RRAGC: variants seen among roughly 807,000 people sequenced by gnomAD.
RRAGC encodes the protein ras-related GTP-binding protein C.
Under a neutral mutation model 37.1 loss-of-function variants are expected in RRAGC, and 8 were observed. The observed-to-expected ratio is 0.22, with a 90% CI of 0.13 to 0.39. RRAGC has a LOEUF of 0.39. RRAGC is among the 10% of genes least tolerant of loss of function. RRAGC has a pLI of 1.00. For synonymous variants in RRAGC, 190 were observed against 181.1 expected, an observed-to-expected ratio of 1.05 and a Z score of -0.39; for missense variants, 342 against 497.6, an observed-to-expected ratio of 0.69 and a Z score of 2.98.
At chr1:38,849,930 G>A (rs1557586133) in intron 5 of RRAGC, among the ~76,000 whole-genome samples, 1 of 152,138 alleles carries the variant, frequency 6.6e-6, no homozygotes, top group Non-Finnish European at 1.5e-5. Context: ...AAACAAGCCA[G>A]GCATGGTGGC....
At chr1:38,857,939 G>A (rs908787957) in intron 1 of RRAGC, among the ~76,000 whole-genome samples, 19 of 151,980 alleles carry the variant, frequency 1.3e-4, no homozygotes, top group African/African-American at 2.9e-4. Context: ...CAGCCTGGGC[G>A]ATGAGCAAGA....
chr1:38,841,808 AT>A (rs1242655667), intron 6 of RRAGC, among the ~76,000 whole-genome samples: 3 of 152,070 alleles, frequency 2.0e-5, no homozygotes, highest in African/African-American at 7.2e-5. Flanking sequence ...ACACAGCAAG[AT>A]TCCCATCTCA....
intron 3 of RRAGC, among the ~76,000 whole-genome samples, chr1:38,853,699 A>G (rs1642130092): frequency 6.6e-6 from 1 of 151,572 alleles, no homozygotes; most frequent in African/African-American, 2.4e-5. Context: ...GTGAGCCGAG[A>G]TGGCATCATT....
intron 6 of RRAGC, 86 bp downstream of exon 6, chr1:38,845,853 C>T (rs76735297): frequency 0.057 from 65,310 of 1,150,784 alleles, 2,099 homozygotes; most frequent in Non-Finnish European, 0.06. Flanking sequence ...TCTAACACTG[C>T]AATTATTATT....
At chr1:38,855,682 T>G (rs1356691292) in intron 3 of RRAGC, 26 bp downstream of exon 3, 10 of 1,584,724 alleles carry the variant, frequency 6.3e-6, no homozygotes, top group Non-Finnish European at 8.7e-6. Context: ...GTTCAGGGCT[T>G]TCATATCAAA....
Position 38,845,966 on chromosome 1 carries a change from G to C in RRAGC, c.1021C>G (p.Leu341Val). Residue 341 changes from leucine to valine, a missense_variant, in exon 6 of 7, where the codon CTA (leucine) becomes GTA (valine). By Grantham distance (32) the Leu-to-Val change is conservative (BLOSUM62 1). Coordinates refer to ENST00000373001, the MANE Select transcript of RRAGC (RefSeq NM_022157.4). ...VTKFLALVCI[L>V]REESFERKGL... The stretch of plus-strand genomic sequence containing the variant: ...TTTCTTTCAAAGCTTTCTTCCCTTA[G>C]AATGCAGACCAGTGCCAAAAATTTA... 6.2e-7 allele frequency: 1 copy of C among 1,610,860 alleles called. No homozygotes were observed. The highest frequency in any genetic ancestry group is 8.5e-7 in the Non-Finnish European group (1 of 1,178,986).
intron 4 of RRAGC, 28 bp downstream of exon 4, chr1:38,852,346 G>A: frequency 1.7e-6 from 2 of 1,144,226 alleles, no homozygotes; most frequent in Non-Finnish European, 2.6e-6. Context: ...AGAAGCTGCA[G>A]TGAATTAAAT....
chr1:38,855,566 G>A, intron 3 of RRAGC, 142 bp downstream of exon 3: 3 of 720,094 alleles, frequency 4.2e-6, no homozygotes, highest in Non-Finnish European at 6.9e-6. Flanking sequence ...AGACAGCCTG[G>A]AATTCAACAA....
At chr1:38,842,981 AAAAAT>A (rs1641982348) in intron 6 of RRAGC, among the ~76,000 whole-genome samples, 1 of 152,210 alleles carries the variant, frequency 6.6e-6, no homozygotes, top group South Asian at 2.1e-4. Flanking sequence ...AAAAAATAAG[AAAAAT>A]AAAATACACA....
chr1:38,850,026 G>A (rs930065210), intron 5 of RRAGC, among the ~76,000 whole-genome samples: 8 of 150,520 alleles, frequency 5.3e-5, no homozygotes, highest in African/African-American at 2.0e-4. Flanking sequence ...CCAACATGGT[G>A]AAACCCAATC....
chr1:38,859,700 G>A lies in RRAGC; in HGVS notation c.-54C>T. ...TGACAGGCCAGGCCAGGCCGAGCCA[G>A]GCCGCCGCCTCCCCAGTCCGCCTCC... is the stretch of plus-strand genomic sequence containing the variant. On this transcript the variant is annotated 5_prime_UTR_variant, in exon 1 of 7. Transcript: ENST00000373001. 2 of 1,352,406 alleles carry A rather than the reference G, an allele frequency of 1.5e-6. No individual in the cohort carries two copies. The highest frequency in any genetic ancestry group is 3.1e-5 in the East Asian group (1 of 32,430). The allele number at this position is 1,352,406 out of a possible 1,614,324, so 83.8% of individuals were successfully genotyped here.
intron 6 of RRAGC, among the ~76,000 whole-genome samples, chr1:38,845,591 T>C (rs1264505184): frequency 1.3e-5 from 2 of 152,144 alleles, no homozygotes; most frequent in Non-Finnish European, 2.9e-5. Flanking sequence ...AACCCGTGCG[T>C]TGTGCACATG....
At position 38,859,729 on chromosome 1, in the gene RRAGC, G is replaced by C; in HGVS notation, c.-83C>G. 1 of 1,175,152 alleles carries C rather than the reference G, an allele frequency of 8.5e-7. No homozygotes were observed. Among genetic ancestry groups the C allele is most frequent in the Non-Finnish European group, 1.1e-6 (1 of 935,486 alleles). 72.8% of individuals were successfully genotyped at this position (1,175,152 alleles called of 1,614,324 possible). ...GCCGCCTCCCCAGTCCGCCTCCGCCGCCGCCGCCACCACCGCCACCGCCCC... is the reference window on the plus strand; with the variant it reads ...GCCGCCTCCCCAGTCCGCCTCCGCCCCCGCCGCCACCACCGCCACCGCCCC... On this transcript the variant is annotated 5_prime_UTR_variant, in exon 1 of 7. Transcript: ENST00000373001.
At chr1:38,856,710 C>A (rs961227650) in intron 2 of RRAGC, 169 bp downstream of exon 2, 5 of 610,290 alleles carry the variant, frequency 8.2e-6, no homozygotes, top group Admixed American at 3.0e-5. Flanking sequence ...TGTACCTGCA[C>A]AATGCATGTC....
At chr1:38,855,666 C>T (rs1347324874) in intron 3 of RRAGC, 42 bp downstream of exon 3, 3 of 1,479,970 alleles carry the variant, frequency 2.0e-6, no homozygotes, top group Non-Finnish European at 2.8e-6. Context: ...AATACATTTA[C>T]ACCTTGTTCA....
rs1170361889 is a variant in RRAGC at position 38,856,864 on chromosome 1, C to T, written c.441+15G>A. 6.2e-7 allele frequency: 1 copy of T among 1,611,294 alleles called. No homozygotes were observed. The highest frequency in any genetic ancestry group is 1.1e-5 in the South Asian group (1 of 91,004). ...TTTCCCACCAGGAAAGAGGAGTAAA[C>T]ACATTACTGACTACCTGTGCGTCAA... On this transcript the variant is annotated intron_variant, in intron 2 of 6. Coordinates refer to ENST00000373001, the MANE Select transcript of RRAGC (RefSeq NM_022157.4).
At chr1:38,843,895 T>A (rs181219384) in intron 6 of RRAGC, among the ~76,000 whole-genome samples, 1 of 152,256 alleles carries the variant, frequency 6.6e-6, no homozygotes, top group Non-Finnish European at 1.5e-5. Flanking sequence ...TACATGAATA[T>A]TATCAAGTAA....
Position 38,845,944 on chromosome 1 carries a change from C to T in RRAGC, c.1043G>A (p.Arg348Lys). The change falls in exon 6 of 7, where the codon AGA becomes AAA. Residue 348 changes from arginine (R) to lysine (K), a missense_variant. Coordinates refer to ENST00000373001, the MANE Select transcript of RRAGC (RefSeq NM_022157.4). ...GCTTTTTAAAATGCTATTACCTTTT[C>T]TTTCAAAGCTTTCTTCCCTTAGAAT... ...VCILREESFERKGLIDYNFHC... is the reference protein window; with the variant it reads ...VCILREESFEKKGLIDYNFHC... 1 of 1,602,786 alleles carries T rather than the reference C, an allele frequency of 6.2e-7. No homozygotes were observed. Among genetic ancestry groups the T allele is most frequent in the Non-Finnish European group, 8.5e-7 (1 of 1,176,992 alleles).
intron 3 of RRAGC, among the ~76,000 whole-genome samples, chr1:38,853,248 C>T (rs561688099): frequency 2.0e-5 from 3 of 152,244 alleles, no homozygotes; most frequent in African/African-American, 7.2e-5. Context: ...AGTCTGGAGG[C>T]CTAAAAGGAC....
Sources: allele counts gnomAD v4.1 joint callset (sites outside exome capture counted in the v4.1 genomes callset), GRCh38; gene constraint gnomAD v4.1.1; transcripts MANE v1.5; gene names NCBI Gene and HGNC (gene_info 2026-07-23, HGNC 2026-07-21).